The following EYS variants were observed in gnomAD, a reference collection of about 807,000 sequenced individuals.
EYS encodes the protein EGF-like photoreceptor maintenance factor.
A neutral mutation model predicts 282.1 loss-of-function variants in EYS; 250 were observed. That is an observed-to-expected ratio of 0.89 (90% CI 0.80 to 0.98). EYS has a LOEUF of 0.98. Ranked by LOEUF, EYS falls within the 50% of genes least tolerant of loss-of-function variation. The pLI is 0.00. For missense variants in EYS, 4,016 were observed against 3,709.0 expected (o/e 1.08, Z -2.15); for synonymous variants, 1,355 against 1,282.9 (o/e 1.06, Z -1.20).
At chr6:64,151,365 T>TAA (rs2150294752) in intron 31 of EYS, among the ~76,000 whole-genome samples, 1 of 86,644 alleles carries the variant, frequency 1.2e-5, no homozygotes, top group Non-Finnish European at 2.2e-5. Context: ...ATATATATAA[T>TAA]TTTTTTTTTC....
intron 22 of EYS, among the ~76,000 whole-genome samples, chr6:64,712,346 T>A (rs893757975): frequency 1.3e-5 from 2 of 152,132 alleles, no homozygotes; most frequent in East Asian, 3.9e-4. Context: ...GATAAGAGTG[T>A]TTGTGGAAGC....
At chr6:64,760,805 G>A (rs951497342) in intron 22 of EYS, among the ~76,000 whole-genome samples, 1 of 152,116 alleles carries the variant, frequency 6.6e-6, no homozygotes, top group South Asian at 2.1e-4. Context: ...ATGCTTCGGT[G>A]GGAACCCTAC....
chr6:64,529,043 A>G (rs959672741), intron 26 of EYS, among the ~76,000 whole-genome samples: 4 of 152,016 alleles, frequency 2.6e-5, no homozygotes, highest in Non-Finnish European at 5.9e-5. Context: ...AGATCCTAAA[A>G]CGGTTTATAT....
At chr6:64,861,296 C>G (rs531036359) in intron 19 of EYS, among the ~76,000 whole-genome samples, 1 of 152,344 alleles carries the variant, frequency 6.6e-6, no homozygotes, top group East Asian at 1.9e-4. Flanking sequence ...TGCCCACACA[C>G]AGCTGGGTTG....
At chr6:65,562,155 C>T (rs189201732) in intron 2 of EYS, among the ~76,000 whole-genome samples, 35 of 151,978 alleles carry the variant, frequency 2.3e-4, no homozygotes, top group African/African-American at 8.4e-4. Context: ...ACTATATTTC[C>T]TCTGGAAGAA....
intron 26 of EYS, among the ~76,000 whole-genome samples, chr6:64,545,455 T>C (rs1418156183): frequency 6.6e-6 from 1 of 152,182 alleles, no homozygotes; most frequent in East Asian, 1.9e-4. Flanking sequence ...CTTTGAAAAC[T>C]GGCACAAGAC....
chr6:64,085,333 T>TGCGCGC (rs753577559), intron 31 of EYS, among the ~76,000 whole-genome samples: 6 of 130,152 alleles, frequency 4.6e-5, no homozygotes, highest in African/African-American at 2.0e-4. Flanking sequence ...CGTGCGCACG[T>TGCGCGC]GCGCGCGCAC....
chr6:65,369,339 T>C (rs1454015281), intron 8 of EYS, among the ~76,000 whole-genome samples: 1 of 144,782 alleles, frequency 6.9e-6, no homozygotes, highest in Non-Finnish European at 1.5e-5. Context: ...TTTATATATA[T>C]ATATATCTCA....
intron 2 of EYS, among the ~76,000 whole-genome samples, chr6:65,498,953 A>T (rs1766351779): frequency 6.6e-6 from 1 of 152,020 alleles, no homozygotes; most frequent in Non-Finnish European, 1.5e-5. Flanking sequence ...ATTACTATTA[A>T]TATCTTATAA....
At chr6:64,963,234 T>C (rs2224203) in intron 14 of EYS, among the ~76,000 whole-genome samples, 53,610 of 152,052 alleles carry the variant, frequency 0.35, 11,559 homozygotes, top group Admixed American at 0.49. Context: ...CTTTTGCAAA[T>C]AGCAAAATAT....
chr6:65,222,062 C>T (rs139490482), intron 12 of EYS, among the ~76,000 whole-genome samples: 1 of 152,226 alleles, frequency 6.6e-6, no homozygotes, highest in Non-Finnish European at 1.5e-5. Flanking sequence ...AACTAACTTG[C>T]TTTTGATTTT....
intron 13 of EYS, among the ~76,000 whole-genome samples, chr6:65,024,136 C>A (rs1288584038): frequency 6.6e-6 from 1 of 151,972 alleles, no homozygotes; most frequent in African/African-American, 2.4e-5. Context: ...AAATCTGTAG[C>A]CTCTGTAAAC....
intron 26 of EYS, among the ~76,000 whole-genome samples, chr6:64,577,754 A>C (rs997150330): frequency 6.6e-6 from 1 of 152,098 alleles, no homozygotes; most frequent in Non-Finnish European, 1.5e-5. Flanking sequence ...GTAATAAGGA[A>C]TGTCATTATA....
intron 13 of EYS, 55 bp from the exon 14 acceptor site, chr6:64,997,758 TA>T: frequency 6.8e-7 from 1 of 1,471,036 alleles, no homozygotes; most frequent in South Asian, 1.3e-5. Flanking sequence ...TTAGTACAGG[TA>T]ATTATAATTA....
At chr6:64,368,406 G>C (rs1256329115) in intron 29 of EYS, among the ~76,000 whole-genome samples, 2 of 152,048 alleles carry the variant, frequency 1.3e-5, no homozygotes, top group African/African-American at 4.8e-5. Flanking sequence ...ATAAACATAT[G>C]TGCACGTGTC....
chr6:65,638,859 A>G (rs1382714074), intron 2 of EYS, among the ~76,000 whole-genome samples: 1 of 152,230 alleles, frequency 6.6e-6, no homozygotes, highest in Non-Finnish European at 1.5e-5. Context: ...AGCAAAACTC[A>G]GGCAAACGTG....
chr6:65,344,702 T>C (rs1770329029), intron 9 of EYS, among the ~76,000 whole-genome samples: 1 of 151,376 alleles, frequency 6.6e-6, no homozygotes, highest in Non-Finnish European at 1.5e-5. Flanking sequence ...AATAGATAAT[T>C]AGATAAGGAA....
intron 22 of EYS, among the ~76,000 whole-genome samples, chr6:64,660,755 A>C (rs1045703179): frequency 3.9e-5 from 6 of 152,228 alleles, no homozygotes; most frequent in African/African-American, 1.4e-4. Flanking sequence ...AACAAATGGA[A>C]GAACATTCCA....
chr6:65,438,554 T>A (rs1012633422), intron 5 of EYS, among the ~76,000 whole-genome samples: 1 of 152,198 alleles, frequency 6.6e-6, no homozygotes, highest in Non-Finnish European at 1.5e-5. Context: ...CCATTCTAAC[T>A]GGTGTGAGAT....
Sources: allele counts gnomAD v4.1 joint callset (sites outside exome capture counted in the v4.1 genomes callset), GRCh38; gene constraint gnomAD v4.1.1; transcripts MANE v1.5; gene names NCBI Gene and HGNC (gene_info 2026-07-23, HGNC 2026-07-21).